The following AKR1C3 variants were observed in gnomAD, a reference collection of about 807,000 sequenced individuals.
AKR1C3 encodes aldo-keto reductase family 1 member C3, also known as 3-alpha hydroxysteroid dehydrogenase, type II.
AKR1C3 carries 48 observed loss-of-function variants against 43.6 expected under a neutral mutation model. That is an observed-to-expected ratio of 1.10 (90% CI 0.87 to 1.40). AKR1C3 has a LOEUF of 1.40. Among genes scored for constraint, AKR1C3 ranks in the 40% most tolerant of loss-of-function variants. The pLI is 0.00. For missense variants in AKR1C3, 482 were observed against 391.2 expected (o/e 1.23, Z -1.96); for synonymous variants, 162 against 139.6 (o/e 1.16, Z -1.13).
chr10:5,070,829 C>T (rs1838601124), intron 1 of AKR1C3, among the ~76,000 whole-genome samples: 1 of 152,172 alleles, frequency 6.6e-6, no homozygotes, highest in Admixed American at 6.5e-5. Context: ...TTCTAGCCTC[C>T]AGATCTGTGA....
At chr10:5,060,966 G>A (rs1311874854) in intron 1 of AKR1C3, among the ~76,000 whole-genome samples, 3 of 152,214 alleles carry the variant, frequency 2.0e-5, no homozygotes, top group Non-Finnish European at 4.4e-5. Flanking sequence ...ATGCCCACCT[G>A]GAACTCACGC....
intron 7 of AKR1C3, 100 bp downstream of exon 7, chr10:5,102,750 C>G: frequency 6.6e-7 from 1 of 1,504,856 alleles, no homozygotes; most frequent in Non-Finnish European, 8.9e-7. Context: ...AGCTCCATTT[C>G]CCTGTATTTC....
At chr10:5,071,264 G>A (rs1311103121) in intron 1 of AKR1C3, among the ~76,000 whole-genome samples, 1 of 152,158 alleles carries the variant, frequency 6.6e-6, no homozygotes, top group African/African-American at 2.4e-5. Context: ...GGTGCTCCAT[G>A]GTGCAAAGCA....
At position 5,098,827 on chromosome 10, in the gene AKR1C3, A is replaced by G. The variant is rs566162162; in HGVS notation, c.395A>G (p.Asp132Gly). The G allele has an allele frequency of 6.2e-7, 1 of 1,613,872 alleles. No homozygotes were observed. Among genetic ancestry groups the G allele is most frequent in the South Asian group, 1.1e-5 (1 of 90,976 alleles). ...CCAGGTGAGGAACTTTCACCAACAG[A>G]TGAAAATGGAAAAGTAATATTTGAC... ...LKPGEELSPTDENGKVIFDIV... is the reference protein window; with the variant it reads ...LKPGEELSPTGENGKVIFDIV... The change falls in exon 4 of 9, where the codon GAT becomes GGT. Residue 132 changes from aspartate to glycine, a missense_variant. By Grantham distance (94) the Asp-to-Gly change is moderately conservative. Transcript: ENST00000380554.
chr10:5,053,262 G>T (rs1346713471), intron 1 of AKR1C3, among the ~76,000 whole-genome samples: 3 of 152,246 alleles, frequency 2.0e-5, no homozygotes, highest in African/African-American at 2.4e-5. Flanking sequence ...CTCAGGCATG[G>T]TGGGCTGCAG....
At position 5,102,648 on chromosome 10, in the gene AKR1C3, C is replaced by G; in HGVS notation, c.844C>G (p.Gln282Glu). 6.8e-7 allele frequency: 1 copy of G among 1,464,306 alleles called. No homozygotes were observed. The highest frequency in any genetic ancestry group is 9.0e-7 in the Non-Finnish European group (1 of 1,106,250). 90.7% of individuals were successfully genotyped at this position (1,464,306 alleles called of 1,614,324 possible). The change falls in exon 7 of 9, where the codon CAG (glutamine) becomes GAG (glutamate). Residue 282 changes from glutamine to glutamate, a missense_variant and splice_region_variant. Transcript: ENST00000380554. ...TGAGCAGCGCATCAGACAGAACGTG[C>G]AGGTGAGGAGCGGGGCTGTGGGCCT... ...YNEQRIRQNVQVFEFQLTAED... is the reference protein window; with the variant it reads ...YNEQRIRQNVEVFEFQLTAED...
chr10:5,096,492 A>G lies in AKR1C3; in HGVS notation c.167A>G (p.Asn56Ser), dbSNP rs1839210930. 6.2e-7 allele frequency: 1 copy of G among 1,613,674 alleles called. No homozygotes were observed. Among genetic ancestry groups the G allele is most frequent in the Middle Eastern group, 1.7e-4 (1 of 6,058 alleles). ...FRHIDSAHLYNNEEQVGLAIR... is the reference protein window; with the variant it reads ...FRHIDSAHLYSNEEQVGLAIR... ...CATATAGATTCTGCTCATTTATACA[A>G]TAATGAGGAGCAGGTTGGACTGGCC... The change falls in exon 2 of 9, where the codon AAT becomes AGT. Residue 56 changes from asparagine (N) to serine (S), a missense_variant. By Grantham distance (46) the Asn-to-Ser change is conservative (BLOSUM62 1). Transcript: ENST00000380554.
intron 1 of AKR1C3, 82 bp from the exon 2 acceptor site, chr10:5,096,328 C>G (rs1447304116): frequency 8.7e-6 from 13 of 1,500,156 alleles, no homozygotes; most frequent in Non-Finnish European, 1.2e-5. Flanking sequence ...AAAGCTGATT[C>G]TTGTATAAAA....
intron 1 of AKR1C3, among the ~76,000 whole-genome samples, chr10:5,065,516 G>A (rs1228602302): frequency 6.6e-6 from 1 of 152,066 alleles, no homozygotes; most frequent in Non-Finnish European, 1.5e-5. Flanking sequence ...CTTGAACAAA[G>A]AATTGGACAA....
At chr10:5,052,238 T>C (rs1255542276) in intron 1 of AKR1C3, among the ~76,000 whole-genome samples, 1 of 152,190 alleles carries the variant, frequency 6.6e-6, no homozygotes, top group Non-Finnish European at 1.5e-5. Context: ...GTTCCTGGTC[T>C]TGCTGGCTTC....
intron 1 of AKR1C3, among the ~76,000 whole-genome samples, chr10:5,083,255 G>A (rs1838875998): frequency 6.6e-6 from 1 of 152,016 alleles, no homozygotes; most frequent in Non-Finnish European, 1.5e-5. Context: ...GTCCCCCAGA[G>A]TGTGATGTTC....
chr10:5,095,647 T>A (rs575064155), intron 1 of AKR1C3, among the ~76,000 whole-genome samples: 1 of 152,138 alleles, frequency 6.6e-6, no homozygotes, highest in Non-Finnish European at 1.5e-5. Context: ...TTATCCAAAT[T>A]TGGTCAATAA....
chr10:5,099,773 C>A, intron 5 of AKR1C3: 1 of 323,032 alleles, frequency 3.1e-6, no homozygotes. Flanking sequence ...CCAGAAAGTG[C>A]ATGGGTGAAG....
In AKR1C3 at chr10:5,102,170, G is replaced by C; in HGVS notation, c.640G>C (p.Val214Leu). 11 of 1,614,036 alleles carry C rather than the reference G, an allele frequency of 6.8e-6. No homozygotes were observed. Among genetic ancestry groups the C allele is most frequent in the African/African-American group, 1.3e-5 (1 of 75,024 alleles). ...CTGCAAGTCGAAAGATATTGTTCTGGTTGCCTATAGTGCTCTGGGATCTCA... is the reference window on the plus strand; with the variant it reads ...CTGCAAGTCGAAAGATATTGTTCTGCTTGCCTATAGTGCTCTGGGATCTCA... ...DFCKSKDIVL[V>L]AYSALGSQRD... The change falls in exon 6 of 9, where the codon GTT becomes CTT. Residue 214 changes from valine to leucine, a missense_variant. Transcript: ENST00000380554.
At chr10:5,100,662 CCATTGA>C (rs1839324892) in intron 5 of AKR1C3, among the ~76,000 whole-genome samples, 2 of 152,126 alleles carry the variant, frequency 1.3e-5, no homozygotes, top group Admixed American at 1.3e-4. Flanking sequence ...TAAAGATCTA[CCATTGA>C]AATGTGAAGT....
chr10:5,063,542 T>G (rs548552711), intron 1 of AKR1C3, among the ~76,000 whole-genome samples: 10 of 151,780 alleles, frequency 6.6e-5, no homozygotes, highest in Admixed American at 2.6e-4. Context: ...ATGCCTGTTA[T>G]CCCAGCATTT....
chr10:5,094,533 GAAT>G lies in AKR1C3; in HGVS notation c.84+9_84+11del. 3.7e-6 allele frequency: 6 copies of G among 1,612,386 alleles called. No individual in the cohort carries two copies. Among genetic ancestry groups the G allele is most frequent in the Non-Finnish European group, 5.1e-6 (6 of 1,178,686 alleles). Reference sequence around the variant, plus strand: ...GGCACCTATGCACCTCCAGAGGTAAGAATAATTCCTTTTAGTTTTCGGATTTCA... The same window carrying G: ...GGCACCTATGCACCTCCAGAGGTAAGAATTCCTTTTAGTTTTCGGATTTCA... On this transcript the variant is annotated splice_donor_region_variant and intron_variant, in intron 1 of 8. Transcript: ENST00000380554.
chr10:5,095,003 C>G (rs370466805), intron 1 of AKR1C3, among the ~76,000 whole-genome samples: 11 of 152,040 alleles, frequency 7.2e-5, no homozygotes, highest in African/African-American at 2.7e-4. Context: ...GAGTGCCACC[C>G]AGTATTACCG....
chr10:5,106,027 A>G (rs73603655), intron 8 of AKR1C3, among the ~76,000 whole-genome samples: 1,542 of 152,318 alleles, frequency 0.01, 25 homozygotes, highest in African/African-American at 0.035. Flanking sequence ...ATCTGTGCTT[A>G]TATCACATTG....
Sources: gnomAD v4.1 joint callset for allele counts (sites outside exome capture counted in the v4.1 genomes callset) on GRCh38, gnomAD v4.1.1 for gene constraint, MANE v1.5 for transcripts, NCBI Gene and HGNC (gene_info 2026-07-23, HGNC 2026-07-21) for gene names.